The following TCF7L1 variants were observed in gnomAD, a reference collection of about 807,000 sequenced individuals.
TCF7L1 encodes the protein transcription factor 7-like 1.
TCF7L1 carries 18 observed loss-of-function variants against 63.7 expected under a neutral mutation model. The observed-to-expected ratio is 0.28, with a 90% confidence interval of 0.20 to 0.42. The LOEUF is 0.42. TCF7L1 is among the 10% of genes least tolerant of loss of function. TCF7L1 has a pLI of 1.00. For synonymous variants in TCF7L1, 355 were observed against 340.9 expected (o/e 1.04, Z -0.46); for missense variants, 654 against 779.3 (o/e 0.84, Z 1.91).
chr2:85,155,032 G>C (rs1375870962), intron 3 of TCF7L1, among the ~76,000 whole-genome samples: 4 of 152,174 alleles, frequency 2.6e-5, no homozygotes, highest in African/African-American at 9.7e-5. Context: ...GGCCAGGCTA[G>C]TCTCAAACTC....
intron 3 of TCF7L1, among the ~76,000 whole-genome samples, chr2:85,176,427 C>T (rs1323182890): frequency 6.6e-6 from 1 of 152,178 alleles, no homozygotes; most frequent in Non-Finnish European, 1.5e-5. Flanking sequence ...TATTAGACAG[C>T]TCCACTCGTA....
chr2:85,261,247 A>G (rs887909023), intron 3 of TCF7L1, among the ~76,000 whole-genome samples: 1 of 152,046 alleles, frequency 6.6e-6, no homozygotes, highest in Non-Finnish European at 1.5e-5. Flanking sequence ...AAAACCCACC[A>G]TAAAAGTTAA....
At chr2:85,225,854 C>T (rs548775305) in intron 3 of TCF7L1, among the ~76,000 whole-genome samples, 4 of 152,224 alleles carry the variant, frequency 2.6e-5, no homozygotes, top group African/African-American at 9.6e-5. Context: ...TGTCTTGTGC[C>T]GGTTTTCAAA....
intron 4 of TCF7L1, among the ~76,000 whole-genome samples, chr2:85,299,860 A>AACACACACACAC (rs61569778): frequency 0.027 from 2,469 of 92,728 alleles, 193 homozygotes; most frequent in South Asian, 0.047. Context: ...CCTTGTCTCA[A>AACACACACACAC]ACACACACAC....
intron 3 of TCF7L1, among the ~76,000 whole-genome samples, chr2:85,216,199 A>C (rs1435019380): frequency 2.0e-5 from 3 of 152,080 alleles, no homozygotes; most frequent in African/African-American, 7.2e-5. Flanking sequence ...AGGCACTAAC[A>C]AAGTATGAGC....
intron 3 of TCF7L1, among the ~76,000 whole-genome samples, chr2:85,233,579 A>G (rs1005010900): frequency 2.6e-5 from 4 of 151,978 alleles, no homozygotes; most frequent in Non-Finnish European, 5.9e-5. Flanking sequence ...CTCCCAAAGT[A>G]CTGGGATTAC....
At chr2:85,210,545 T>C (rs142617912) in intron 3 of TCF7L1, among the ~76,000 whole-genome samples, 2 of 152,168 alleles carry the variant, frequency 1.3e-5, no homozygotes, top group African/African-American at 2.4e-5. Context: ...GAAAACACCA[T>C]AGCCAAGATT....
chr2:85,183,714 G>A (rs189778621), intron 3 of TCF7L1, among the ~76,000 whole-genome samples: 57 of 152,304 alleles, frequency 3.7e-4, no homozygotes, highest in Admixed American at 9.2e-4. Flanking sequence ...AGGCTGTTTG[G>A]AGAGGCAAAA....
intron 3 of TCF7L1, among the ~76,000 whole-genome samples, chr2:85,256,240 G>A (rs541459743): frequency 1.3e-5 from 2 of 152,156 alleles, no homozygotes; most frequent in East Asian, 1.9e-4. Context: ...TCGATGGTGC[G>A]TCCGCGCGCC....
intron 3 of TCF7L1, among the ~76,000 whole-genome samples, chr2:85,282,267 C>A (rs1681436656): frequency 6.6e-6 from 1 of 152,224 alleles, no homozygotes; most frequent in Admixed American, 6.5e-5. Flanking sequence ...GGATTACAGG[C>A]ATGAGCCACT....
At chr2:85,237,205 G>A (rs1276037904) in intron 3 of TCF7L1, among the ~76,000 whole-genome samples, 2 of 152,166 alleles carry the variant, frequency 1.3e-5, no homozygotes, top group Non-Finnish European at 2.9e-5. Flanking sequence ...AGAACTCCTG[G>A]ACAGTTTGTC....
intron 3 of TCF7L1, among the ~76,000 whole-genome samples, chr2:85,172,203 A>G (rs1229560508): frequency 1.3e-5 from 2 of 152,142 alleles, no homozygotes; most frequent in Non-Finnish European, 2.9e-5. Context: ...CAAGCATCAG[A>G]CAATGATGTT....
chr2:85,162,646 T>C (rs1678317451), intron 3 of TCF7L1, among the ~76,000 whole-genome samples: 1 of 152,146 alleles, frequency 6.6e-6, no homozygotes, highest in Admixed American at 6.5e-5. Flanking sequence ...ATCTCTGGGG[T>C]CACCTTCGGT....
intron 3 of TCF7L1, among the ~76,000 whole-genome samples, chr2:85,149,576 A>T (rs1352694578): frequency 6.6e-6 from 1 of 151,898 alleles, no homozygotes; most frequent in Admixed American, 6.6e-5. Context: ...CCCAGGCTGG[A>T]GTCAGTGGCG....
chr2:85,148,130 G>A (rs536392825), intron 3 of TCF7L1, among the ~76,000 whole-genome samples: 20 of 152,244 alleles, frequency 1.3e-4, no homozygotes, highest in Non-Finnish European at 5.9e-5. Flanking sequence ...AGAGTGAGAC[G>A]CTGGTGCTGA....
chr2:85,156,998 G>T (rs1196469752), intron 3 of TCF7L1, among the ~76,000 whole-genome samples: 1 of 152,230 alleles, frequency 6.6e-6, no homozygotes, highest in Non-Finnish European at 1.5e-5. Context: ...GCATAGGATG[G>T]TTCCTCACAA....
At chr2:85,209,225 T>C (rs1679488061) in intron 3 of TCF7L1, among the ~76,000 whole-genome samples, 1 of 152,168 alleles carries the variant, frequency 6.6e-6, no homozygotes. Context: ...AAGAGGAAAG[T>C]GATTGCTGTC....
intron 3 of TCF7L1, among the ~76,000 whole-genome samples, chr2:85,148,034 T>C (rs1677922203): frequency 6.6e-6 from 1 of 152,116 alleles, no homozygotes; most frequent in African/African-American, 2.4e-5. Flanking sequence ...AAGAGTATAG[T>C]AGGAGTATTA....
chr2:85,307,827 G>A (rs4497880), intron 11 of TCF7L1, 110 bp downstream of exon 11: 104,498 of 996,532 alleles, frequency 0.1, 5,974 homozygotes, highest in African/African-American at 0.15. Flanking sequence ...CTCGGTATTC[G>A]CGGGCGGGTA....
Sources: allele counts gnomAD v4.1 joint callset (sites outside exome capture counted in the v4.1 genomes callset), GRCh38; gene constraint gnomAD v4.1.1; transcripts MANE v1.5; gene names NCBI Gene and HGNC (gene_info 2026-07-23, HGNC 2026-07-21).